PCDHGA11: variants seen among roughly 807,000 people sequenced by gnomAD.
The protein encoded by PCDHGA11 is protocadherin gamma subfamily A, 11, also known as protocadherin gamma-A11.
PCDHGA11 carries 39 observed loss-of-function variants against 60.4 expected under a neutral mutation model. The observed-to-expected ratio is 0.65, with a 90% CI of 0.50 to 0.84. The LOEUF (loss-of-function observed/expected upper bound fraction) is 0.84. PCDHGA11 is among the 40% of genes least tolerant of loss of function. The pLI, the probability that PCDHGA11 is intolerant of heterozygous loss-of-function variation, is 0.00. For missense variants in PCDHGA11, 1,165 were observed against 1,197.7 expected, an observed-to-expected ratio of 0.97 and a Z score of 0.40; for synonymous variants, 533 against 510.3, an observed-to-expected ratio of 1.04 and a Z score of -0.60.
chr5:141,511,182 C>A lies in PCDHGA11; in HGVS notation c.*9C>A. ...AGAAGGAGAAGAAGTAACATGGAGG[C>A]CAGGCCAAGAGCCACAGGGCGGCCT... is the stretch of plus-strand genomic sequence containing the variant. On this transcript the variant is annotated 3_prime_UTR_variant, in exon 4 of 4. Transcript: ENST00000398587. 6.2e-7 allele frequency: 1 copy of A among 1,614,022 alleles called. No homozygotes were observed. Among genetic ancestry groups the A allele is most frequent in the Non-Finnish European group, 8.5e-7 (1 of 1,179,946 alleles).
chr5:141,494,386 T>G (rs2099753905), intron 1 of PCDHGA11, among the ~76,000 whole-genome samples: 1 of 152,198 alleles, frequency 6.6e-6, no homozygotes, highest in African/African-American at 2.4e-5. Context: ...GCTGAGGAGT[T>G]GAATAAATTC....
intron 2 of PCDHGA11, among the ~76,000 whole-genome samples, chr5:141,497,721 G>A (rs2099778948): frequency 6.6e-6 from 1 of 152,006 alleles, no homozygotes; most frequent in African/African-American, 2.4e-5. Flanking sequence ...TGTATTTTTA[G>A]TAGAGATGGG....
At chr5:141,497,077 G>A (rs191605427) in intron 2 of PCDHGA11, among the ~76,000 whole-genome samples, 4 of 151,990 alleles carry the variant, frequency 2.6e-5, no homozygotes, top group East Asian at 3.9e-4. Flanking sequence ...TAATCCCAGC[G>A]ACTTAGGAGG....
chr5:141,484,958 G>C (rs2099604320), intron 1 of PCDHGA11: 1 of 575,756 alleles, frequency 1.7e-6, no homozygotes, highest in Non-Finnish European at 3.1e-6. Flanking sequence ...TATTGGCTGA[G>C]CCCGGGAGCC....
At chr5:141,473,738 C>T (rs755682627) in intron 1 of PCDHGA11, among the ~76,000 whole-genome samples, 2 of 152,310 alleles carry the variant, frequency 1.3e-5, no homozygotes, top group Non-Finnish European at 2.9e-5. Flanking sequence ...AGGGAGAAGA[C>T]ATGAGAACTT....
chr5:141,423,848 G>C (rs1353181066), intron 1 of PCDHGA11, 188 bp downstream of exon 1: 1 of 1,277,462 alleles, frequency 7.8e-7, no homozygotes, highest in Non-Finnish European at 9.9e-7. Flanking sequence ...TAATCTTTCA[G>C]AACGTTTTTG....
Position 141,505,488 on chromosome 5 carries a change from G to A in PCDHGA11, c.2581+7G>A. On this transcript the variant is annotated splice_region_variant and intron_variant, in intron 3 of 3. Transcript: ENST00000398587. Reference sequence around the variant, plus strand: ...ATCTTGGCGTCCGCCAGTGGTAAGTGGTGTCAGTGTGTGTATGGAAGAGTG... The same window carrying A: ...ATCTTGGCGTCCGCCAGTGGTAAGTAGTGTCAGTGTGTGTATGGAAGAGTG... The A allele has an allele frequency of 6.2e-7, 1 of 1,614,222 alleles. No individual in the cohort carries two copies. The highest frequency in any genetic ancestry group is 8.5e-7 in the Non-Finnish European group (1 of 1,180,018).
chr5:141,490,288 G>T lies in PCDHGA11; in HGVS notation c.2434-4519G>T, dbSNP rs2099698282. 1.2e-6 allele frequency: 2 copies of T among 1,614,080 alleles called. No homozygotes were observed. Among genetic ancestry groups the T allele is most frequent in the South Asian group, 1.1e-5 (1 of 91,092 alleles). On this transcript the variant is annotated intron_variant, in intron 1 of 3. Transcript: ENST00000398587. This position sits in a 1 kb window ranked among gnomAD's most constrained non-coding sequence, Gnocchi z 5.4. ...GGATGTCAATGACAATGCCCCAGAG[G>T]TGCTATTGGCCTCTTTGGCCAACCC...
At chr5:141,488,951 A>G (rs2099680664) in intron 1 of PCDHGA11, among the ~76,000 whole-genome samples, 1 of 152,118 alleles carries the variant, frequency 6.6e-6, no homozygotes, top group Admixed American at 6.5e-5. Flanking sequence ...ATTGGTTGAG[A>G]GCACACAGAC....
intron 1 of PCDHGA11, chr5:141,441,752 C>A (rs1043293959): frequency 5.3e-6 from 2 of 377,970 alleles, no homozygotes; most frequent in Non-Finnish European, 5.3e-6. Flanking sequence ...TCGGCGTCAA[C>A]GTGAGCCTGC....
chr5:141,448,803 G>A (rs2098607666), intron 1 of PCDHGA11, among the ~76,000 whole-genome samples: 2 of 152,020 alleles, frequency 1.3e-5, no homozygotes, highest in South Asian at 4.1e-4. Flanking sequence ...AAATTAGCCA[G>A]GCGTGATGGC....
At chr5:141,507,120 T>TA (rs1256499995) in intron 3 of PCDHGA11, 2 of 152,206 alleles carry the variant, frequency 1.3e-5, no homozygotes, top group African/African-American at 4.8e-5. Context: ...TGGCTGCCTT[T>TA]GGATCCAGCC....
intron 3 of PCDHGA11, among the ~76,000 whole-genome samples, chr5:141,509,089 G>C (rs1366018197): frequency 6.6e-6 from 1 of 152,158 alleles, no homozygotes; most frequent in Non-Finnish European, 1.5e-5. Context: ...ACATGAAATG[G>C]GGGCTGTAGA....
intron 1 of PCDHGA11, among the ~76,000 whole-genome samples, chr5:141,447,276 A>G (rs2098532917): frequency 6.6e-6 from 1 of 151,994 alleles, no homozygotes; most frequent in South Asian, 2.1e-4. Flanking sequence ...AGTAGCTGGG[A>G]CTACAGGCAC....
In PCDHGA11 at chr5:141,486,049, C is replaced by T. The variant is rs766853468; in HGVS notation, c.2434-8758C>T. 1 of 1,614,206 alleles carries T rather than the reference C, an allele frequency of 6.2e-7. No homozygotes were observed. The highest frequency in any genetic ancestry group is 8.5e-7 in the Non-Finnish European group (1 of 1,180,034). ...ATACCCCTGATCGTGTAAGAAACCT[C>T]TTTAGCCTGCACCCCACTACTGGAA... On this transcript the variant is annotated intron_variant, in intron 1 of 3. Transcript: ENST00000398587. The surrounding 1 kb of genome is among the most constrained non-coding windows in gnomAD (Gnocchi z 5.0).
rs755863653 is a variant in PCDHGA11 at position 141,422,228 on chromosome 5, TG to T, written c.1002del (p.Met334IlefsTer2). 2.3e-5 allele frequency: 36 copies of T among 1,565,448 alleles called. No individual in the cohort carries two copies. The Middle Eastern group carries it at 8.6e-4, about 37-fold the overall frequency. ...DGGGLFTTTT[M>X]LITVVDVNDN... ...GGAGGTCTCTTTACCACCACGACGA[TG>T]TTGATCACTGTTGTGGATGTGAATG... On this transcript the variant is annotated frameshift_variant, in exon 1 of 4. Transcript: ENST00000398587. LOFTEE classifies it high-confidence loss of function.
Position 141,422,106 on chromosome 5 carries a change from C to G in PCDHGA11, c.879C>G (p.Phe293Leu), listed in dbSNP as rs763336868. The change falls in exon 1 of 4, where the codon TTC (phenylalanine) becomes TTG (leucine). Residue 293 changes from phenylalanine to leucine, a missense_variant. Transcript: ENST00000398587. The part of the protein sequence containing the change: ...RNMESKASEI[F>L]QLDSQTGEVQ... ...TGGAAAGCAAGGCTTCTGAAATATT[C>G]CAATTGGATTCACAAACTGGAGAAG... 6.2e-7 allele frequency: 1 copy of G among 1,607,266 alleles called. No individual in the cohort carries two copies. The highest frequency in any genetic ancestry group is 1.7e-5 in the Admixed American group (1 of 58,040).
At chr5:141,481,193 A>AT (rs1437708630) in intron 1 of PCDHGA11, among the ~76,000 whole-genome samples, 4 of 152,216 alleles carry the variant, frequency 2.6e-5, no homozygotes, top group African/African-American at 7.2e-5. Context: ...GCCAGGCCCA[A>AT]TTTTTTTAAA....
chr5:141,474,970 A>G (rs1309289477), intron 1 of PCDHGA11, among the ~76,000 whole-genome samples: 4 of 152,212 alleles, frequency 2.6e-5, no homozygotes, highest in African/African-American at 9.6e-5. Context: ...TAATCATTAT[A>G]ATTTTGTTTG....
Sources: gnomAD v4.1 joint callset for allele counts (sites outside exome capture counted in the v4.1 genomes callset) on GRCh38, gnomAD v4.1.1 for gene constraint, Gnocchi (gnomAD v3.1) non-coding constraint, MANE v1.5 for transcripts, NCBI Gene and HGNC (gene_info 2026-07-23, HGNC 2026-07-21) for gene names.